Variants in SGCZ observed in about 807,000 individuals in gnomAD.
SGCZ encodes sarcoglycan zeta.
A neutral mutation model predicts 41.3 loss-of-function variants in SGCZ; 40 were observed. The ratio of observed to expected loss-of-function variants is 0.97; its 90% CI spans 0.75 to 1.26. The LOEUF (loss-of-function observed/expected upper bound fraction) is 1.26, where lower values mean the gene tolerates loss of function less well. Among genes scored for constraint, SGCZ ranks in the 50% most tolerant of loss-of-function variants. The probability of loss-of-function intolerance (pLI) is 0.00; values close to 1 mark genes in which losing one functional copy is unlikely to be tolerated. For missense variants in SGCZ, 552 were observed against 369.8 expected (o/e 1.49, Z -4.04); for synonymous variants, 206 against 137.5 (o/e 1.50, Z -3.49).
At chr8:14,496,522 T>C (rs541458926) in intron 2 of SGCZ, among the ~76,000 whole-genome samples, 148 of 152,252 alleles carry the variant, frequency 9.7e-4, no homozygotes, top group African/African-American at 3.4e-3. Context: ...CATCAAACTA[T>C]CCAAGCTAAG....
At chr8:14,474,018 G>A (rs73525352) in intron 2 of SGCZ, among the ~76,000 whole-genome samples, 2,575 of 151,686 alleles carry the variant, frequency 0.017, 88 homozygotes, top group African/African-American at 0.059. Flanking sequence ...GCCAAATTTT[G>A]CATAAGTCAT....
intron 1 of SGCZ, chr8:14,853,463 G>A (rs777081735): frequency 1.5e-5 from 8 of 532,758 alleles, no homozygotes; most frequent in Admixed American, 3.9e-5. Flanking sequence ...CAGTGCTGTG[G>A]CTGATTAATA....
chr8:15,085,061 T>C (rs1805899796), intron 1 of SGCZ, among the ~76,000 whole-genome samples: 1 of 152,196 alleles, frequency 6.6e-6, no homozygotes, highest in Non-Finnish European at 1.5e-5. Context: ...ATCCTCAAAA[T>C]AACCCCAGGA....
chr8:15,232,886 G>C (rs940644103), intron 1 of SGCZ, among the ~76,000 whole-genome samples: 1 of 151,076 alleles, frequency 6.6e-6, no homozygotes, highest in African/African-American at 2.4e-5. Context: ...GATTAATATA[G>C]TAATTAGCTT....
At chr8:15,094,495 G>C (rs1352230544) in intron 1 of SGCZ, among the ~76,000 whole-genome samples, 4 of 152,124 alleles carry the variant, frequency 2.6e-5, no homozygotes, top group African/African-American at 9.7e-5. Flanking sequence ...GGAATTCAGT[G>C]ACAGAAAAGA....
At chr8:14,690,113 CTTT>C (rs34143581) in intron 1 of SGCZ, among the ~76,000 whole-genome samples, 3 of 137,228 alleles carry the variant, frequency 2.2e-5, no homozygotes, top group African/African-American at 2.8e-5. Flanking sequence ...AGTGTTGTCT[CTTT>C]TTTTTTTTTT....
intron 1 of SGCZ, among the ~76,000 whole-genome samples, chr8:14,668,816 A>G (rs1807997899): frequency 6.6e-6 from 1 of 152,176 alleles, no homozygotes; most frequent in Non-Finnish European, 1.5e-5. Flanking sequence ...TTTGACAAAC[A>G]TATATTTAAG....
At chr8:14,597,339 G>A (rs1805444204) in intron 1 of SGCZ, among the ~76,000 whole-genome samples, 1 of 152,022 alleles carries the variant, frequency 6.6e-6, no homozygotes, top group South Asian at 2.1e-4. Flanking sequence ...GAATGGGAGA[G>A]AAAAAGTACT....
At chr8:14,093,953 C>A (rs900106105) in intron 7 of SGCZ, among the ~76,000 whole-genome samples, 1 of 151,930 alleles carries the variant, frequency 6.6e-6, no homozygotes, top group African/African-American at 2.4e-5. Context: ...TAGGGCCTGT[C>A]TTTGGTTCAT....
At chr8:14,726,311 C>CATATATATATATATATATATAT (rs1202306930) in intron 1 of SGCZ, among the ~76,000 whole-genome samples, 30 of 107,642 alleles carry the variant, frequency 2.8e-4, no homozygotes, top group South Asian at 6.0e-4. Context: ...TGTGTAAATA[C>CATATATATATATATATATATAT]ATATATATAT....
At chr8:14,602,973 C>T (rs1041160846) in intron 1 of SGCZ, among the ~76,000 whole-genome samples, 2 of 151,870 alleles carry the variant, frequency 1.3e-5, no homozygotes, top group Admixed American at 6.6e-5. Flanking sequence ...CTAGGCATGC[C>T]GAAGTAGAAT....
chr8:14,263,806 T>C (rs1799764776), intron 3 of SGCZ, among the ~76,000 whole-genome samples: 1 of 152,120 alleles, frequency 6.6e-6, no homozygotes, highest in African/African-American at 2.4e-5. Context: ...AGAGTCACAC[T>C]GCCATCTTCA....
intron 2 of SGCZ, among the ~76,000 whole-genome samples, chr8:14,532,793 T>A (rs578242002): frequency 1.3e-4 from 19 of 151,664 alleles, no homozygotes; most frequent in African/African-American, 4.4e-4. Context: ...TTAAATTGAC[T>A]ACAAAAACGT....
At chr8:14,247,373 T>C (rs1799139717) in intron 3 of SGCZ, among the ~76,000 whole-genome samples, 1 of 152,164 alleles carries the variant, frequency 6.6e-6, no homozygotes, top group Non-Finnish European at 1.5e-5. Flanking sequence ...GATGAATATG[T>C]ATCCAGAATG....
At chr8:14,274,990 C>G (rs1380640441) in intron 3 of SGCZ, among the ~76,000 whole-genome samples, 1 of 151,992 alleles carries the variant, frequency 6.6e-6, no homozygotes, top group Non-Finnish European at 1.5e-5. Flanking sequence ...GTGAAATATA[C>G]CCAAGAAATA....
intron 1 of SGCZ, among the ~76,000 whole-genome samples, chr8:14,759,169 G>A (rs375821343): frequency 7.2e-5 from 11 of 151,816 alleles, no homozygotes; most frequent in East Asian, 3.9e-4. Context: ...TTTATATTAC[G>A]AAAACACAAT....
At chr8:14,653,144 A>G (rs115450442) in intron 1 of SGCZ, among the ~76,000 whole-genome samples, 1,869 of 152,156 alleles carry the variant, frequency 0.012, 22 homozygotes, top group African/African-American at 0.025. Context: ...ACAGTCAGTA[A>G]CTGGTATCTC....
chr8:14,357,524 T>C (rs1803341297), intron 2 of SGCZ, among the ~76,000 whole-genome samples: 1 of 152,170 alleles, frequency 6.6e-6, no homozygotes, highest in Non-Finnish European at 1.5e-5. Flanking sequence ...ACCTTTGAAT[T>C]GAATGAAGTA....
At chr8:15,099,817 A>G (rs1806532692) in intron 1 of SGCZ, among the ~76,000 whole-genome samples, 1 of 152,192 alleles carries the variant, frequency 6.6e-6, no homozygotes, top group South Asian at 2.1e-4. Flanking sequence ...AAATTAATGT[A>G]ATCTATCACA....
Sources: allele counts gnomAD v4.1 joint callset (sites outside exome capture counted in the v4.1 genomes callset), GRCh38; gene constraint gnomAD v4.1.1; transcripts MANE v1.5; gene names NCBI Gene and HGNC (gene_info 2026-07-23, HGNC 2026-07-21).